The following RNF212B variants were observed in gnomAD, a reference collection of about 807,000 sequenced individuals.
RNF212B encodes the protein E3 ubiquitin-protein ligase RNF212B.
In RNF212B, 52 loss-of-function variants were observed where a neutral mutation model predicts 55.5. The observed-to-expected ratio is 0.94, with a 90% CI of 0.75 to 1.18. The LOEUF (loss-of-function observed/expected upper bound fraction) is 1.18. RNF212B is among the 50% of genes most tolerant of loss of function. RNF212B has a pLI of 0.00. For missense variants in RNF212B, 289 were observed against 350.4 expected (o/e 0.82, Z 1.40); for synonymous variants, 99 against 121.4 (o/e 0.82, Z 1.21).
At chr14:23,223,245 A>T (rs1202347033) in intron 2 of RNF212B, among the ~76,000 whole-genome samples, 1 of 152,188 alleles carries the variant, frequency 6.6e-6, no homozygotes, top group African/African-American at 2.4e-5. Context: ...TCACTTCATG[A>T]CAAAAAAACC....
chr14:23,261,149 T>C (rs118115930), intron 7 of RNF212B, among the ~76,000 whole-genome samples: 3,028 of 152,246 alleles, frequency 0.02, 51 homozygotes, highest in Non-Finnish European at 0.029. Context: ...TTAGAACTTA[T>C]GAAAAGGGGC....
chr14:23,215,433 A>G (rs942411623), intron 2 of RNF212B, among the ~76,000 whole-genome samples: 1 of 152,194 alleles, frequency 6.6e-6, no homozygotes, highest in African/African-American at 2.4e-5. Flanking sequence ...TAAACCCAGG[A>G]ATTTGAGCTT....
chr14:23,271,269 T>A (rs1442964105), intron 14 of RNF212B, among the ~76,000 whole-genome samples: 1 of 151,858 alleles, frequency 6.6e-6, no homozygotes, highest in Admixed American at 6.6e-5. Context: ...TAAAACCCCG[T>A]CTCTCTCTAC....
At chr14:23,237,544 C>A (rs992573643), upstream of RNF212B, among the ~76,000 whole-genome samples, 3 of 152,198 alleles carry the variant, frequency 2.0e-5, no homozygotes, top group African/African-American at 7.2e-5. Flanking sequence ...CGATTTTACG[C>A]TATTCTTTCA....
chr14:23,269,165 G>A (rs1885901193), intron 12 of RNF212B, among the ~76,000 whole-genome samples: 1 of 152,176 alleles, frequency 6.6e-6, no homozygotes, highest in Admixed American at 6.5e-5. Context: ...TTAGCCGGGA[G>A]CGGTGTCACG....
chr14:23,190,785 G>A (rs568977526), intron 1 of RNF212B, among the ~76,000 whole-genome samples: 1 of 152,294 alleles, frequency 6.6e-6, no homozygotes, highest in African/African-American at 2.4e-5. Flanking sequence ...CTCCAACGCT[G>A]CCTGTCACAG....
chr14:23,189,758 T>C (rs960289835), intron 1 of RNF212B, among the ~76,000 whole-genome samples: 2 of 152,114 alleles, frequency 1.3e-5, no homozygotes, highest in African/African-American at 4.8e-5. Flanking sequence ...CAGTGAGCCA[T>C]GTTCATGCCA....
intron 4 of RNF212B, among the ~76,000 whole-genome samples, chr14:23,245,769 C>G (rs1239566315): frequency 6.6e-6 from 1 of 151,994 alleles, no homozygotes; most frequent in Non-Finnish European, 1.5e-5. Flanking sequence ...CTTTTTTTTG[C>G]ATTGTAGTTC....
chr14:23,219,997 A>C (rs1881418827), intron 2 of RNF212B, among the ~76,000 whole-genome samples: 1 of 151,834 alleles, frequency 6.6e-6, no homozygotes, highest in Admixed American at 6.6e-5. Context: ...CAGCCTAGCC[A>C]ACATGGTGAA....
intron 2 of RNF212B, among the ~76,000 whole-genome samples, chr14:23,197,281 C>T (rs1878846380): frequency 6.6e-6 from 1 of 152,218 alleles, no homozygotes; most frequent in African/African-American, 2.4e-5. Context: ...AAGCCCGGCA[C>T]TTTGGGAGGC....
intron 1 of RNF212B, among the ~76,000 whole-genome samples, chr14:23,186,438 C>G (rs986324943): frequency 6.6e-6 from 1 of 151,600 alleles, no homozygotes; most frequent in African/African-American, 2.4e-5. Context: ...CAACCTCTGG[C>G]TCCTAGGTTC....
At chr14:23,209,416 G>C (rs1301006673) in intron 2 of RNF212B, among the ~76,000 whole-genome samples, 1 of 152,192 alleles carries the variant, frequency 6.6e-6, no homozygotes, top group African/African-American at 2.4e-5. Flanking sequence ...TTAAGATGGA[G>C]TTGCTCTGGT....
chr14:23,238,059 G>C lies in RNF212B; in HGVS notation c.-2+4G>C, dbSNP rs1378802384. Among the ~76,000 whole-genome samples, 3 of 152,230 alleles carry C rather than the reference G, an allele frequency of 2.0e-5. No homozygotes were observed. Among genetic ancestry groups the C allele is most frequent in the African/African-American group, 7.2e-5 (3 of 41,456 alleles). ...TGGAATCACAGCGGCCAAGCGGGTA[G>C]GGAGTGTAGCCAGAAAAAGAACTGA... On this transcript the variant is annotated splice_donor_region_variant and intron_variant, in intron 1 of 14. Coordinates refer to ENST00000430154, the MANE Select transcript of RNF212B (RefSeq NM_001282322.3).
chr14:23,211,448 C>T (rs576910284), intron 2 of RNF212B, among the ~76,000 whole-genome samples: 2 of 152,102 alleles, frequency 1.3e-5, no homozygotes, highest in East Asian at 3.9e-4. Context: ...AAAAATAATG[C>T]CAATTCTACA....
intron 2 of RNF212B, among the ~76,000 whole-genome samples, chr14:23,208,925 AT>A (rs536312028): frequency 6.6e-6 from 1 of 151,226 alleles, no homozygotes. Context: ...CGCCTGGCTA[AT>A]TTTTTGTATT....
Position 23,255,707 on chromosome 14 carries a change from T to A in RNF212B, c.229-2842T>A, listed in dbSNP as rs1024416724. Among the ~76,000 whole-genome samples the A allele has an allele frequency of 3.9e-5, 6 of 152,244 alleles. 1 individual carries two copies. Among genetic ancestry groups the A allele is most frequent in the East Asian group, 3.9e-4 (2 of 5,178 alleles). On this transcript the variant is annotated intron_variant, in intron 4 of 14. Transcript: ENST00000430154. ...TAGCAAGATATCATTTCTAAAAAAA[T>A]TTTTTTAATTTTTAAAAAAGCAAGC...
At chr14:23,243,347 A>C (rs2140440307) in intron 3 of RNF212B, 39 bp downstream of exon 3, 1 of 1,483,072 alleles carries the variant, frequency 6.7e-7, no homozygotes, top group East Asian at 2.5e-5. Flanking sequence ...GTCTCATCCC[A>C]TTCCTGGCCT....
chr14:23,244,626 A>G (rs1198633812), intron 4 of RNF212B, among the ~76,000 whole-genome samples: 1 of 152,164 alleles, frequency 6.6e-6, no homozygotes, highest in Non-Finnish European at 1.5e-5. Context: ...CTTGCCTTGT[A>G]TTTCCTAGTT....
rs935033277 is a variant in RNF212B at position 23,264,233 on chromosome 14, A to G, written c.584A>G (p.Gln195Arg). 4 of 1,547,484 alleles carry G rather than the reference A, an allele frequency of 2.6e-6. No individual in the cohort carries two copies. In the East Asian group the frequency reaches 9.8e-5, roughly 38 times the overall value. ...GAGGCTGGCTTTGGTAGCTTGGGAC[A>G]AGTAAGTAATGTTCACCTTATCTTT... Reference protein sequence around the residue: ...YREAGFGSLGQGGRGLQGRRT... With the variant: ...YREAGFGSLGRGGRGLQGRRT... The change falls in exon 10 of 15, where the codon CAA becomes CGA. Residue 195 changes from glutamine (Q) to arginine (R), a missense_variant and splice_region_variant. By Grantham distance (43) the Gln-to-Arg change is conservative. Coordinates refer to ENST00000430154, the MANE Select transcript of RNF212B (RefSeq NM_001282322.3).
Sources: gnomAD v4.1 joint callset for allele counts (sites outside exome capture counted in the v4.1 genomes callset) on GRCh38, gnomAD v4.1.1 for gene constraint, MANE v1.5 for transcripts, NCBI Gene and HGNC (gene_info 2026-07-23, HGNC 2026-07-21) for gene names.